Variants in FSCN2 observed in about 807,000 individuals in gnomAD.
The protein encoded by FSCN2 is fascin-2.
Under a neutral mutation model 37.8 loss-of-function variants are expected in FSCN2, and 46 were observed. The observed-to-expected ratio is 1.22, with a 90% CI of 0.96 to 1.56. The LOEUF is 1.56. Ranked by LOEUF, FSCN2 falls within the 40% of genes most tolerant of loss-of-function variation. FSCN2 has a pLI of 0.00. For synonymous variants in FSCN2, 351 were observed against 309.4 expected, an observed-to-expected ratio of 1.13 and a Z score of -1.41; for missense variants, 844 against 730.4, an observed-to-expected ratio of 1.16 and a Z score of -1.79.
At chr17:81,536,436 A>G (rs1389490961) in intron 3 of FSCN2, 169 bp downstream of exon 3, 3 of 1,466,362 alleles carry the variant, frequency 2.0e-6, no homozygotes, top group Non-Finnish European at 2.7e-6. Flanking sequence ...GGCAAGGGAA[A>G]CAGGTCTGAA....
the FSCN2 span, among the ~76,000 whole-genome samples, chr17:81,521,363 C>CTT: frequency 0.015 from 2,061 of 134,612 alleles, 54 homozygotes; most frequent in African/African-American, 0.053. Flanking sequence ...CCAAGCCCAG[C>CTT]TTTTTTTTTT....
the FSCN2 span, among the ~76,000 whole-genome samples, chr17:81,518,018 G>C: frequency 3.5e-3 from 530 of 152,226 alleles, 7 homozygotes; most frequent in African/African-American, 0.012. Flanking sequence ...CCAGGGCCTC[G>C]GCTTCCGCAA....
upstream of FSCN2, among the ~76,000 whole-genome samples, chr17:81,524,434 C>T (rs1555669816): frequency 6.6e-6 from 1 of 152,212 alleles, no homozygotes; most frequent in African/African-American, 2.4e-5. Flanking sequence ...GCCTCAGGCA[C>T]ACACTGGGCA....
chr17:81,527,204 C>G (rs538249413), upstream of FSCN2: 1 of 152,560 alleles, frequency 6.6e-6, no homozygotes, highest in East Asian at 1.9e-4. Flanking sequence ...TCCTGCCCTA[C>G]GGGGACCCCC....
In FSCN2 at chr17:81,528,632, A is replaced by G. The variant is rs782673170; in HGVS notation, c.101A>G (p.Asn34Ser). 3.7e-6 allele frequency: 6 copies of G among 1,605,268 alleles called. No individual in the cohort carries two copies. Among genetic ancestry groups the G allele is most frequent in the East Asian group, 2.2e-5 (1 of 44,478 alleles). Residue 34 changes from asparagine to serine, a missense_variant, in exon 1 of 5, where the codon AAT becomes AGT. Transcript: ENST00000417245. The part of the protein sequence containing the change: ...LTAESFGFKV[N>S]ASAPSLKRKQ... ...GCTGAGAGCTTCGGCTTCAAGGTCA[A>G]TGCCTCGGCACCCAGCCTCAAGAGG...
rs774012357 is a variant in FSCN2 at position 81,536,224 on chromosome 17, C to T, written c.1062C>T (p.Cys354=). 29 of 1,601,548 alleles carry T rather than the reference C, an allele frequency of 1.8e-5. No homozygotes were observed. Among genetic ancestry groups the T allele is most frequent in the Non-Finnish European group, 2.5e-5 (29 of 1,174,738 alleles). The change falls in exon 3 of 5, where the codon TGC becomes TGT. Residue 354 remains cysteine (C), a synonymous_variant. Coordinates refer to ENST00000417245, the MANE Select transcript of FSCN2 (RefSeq NM_012418.4). Reference sequence around the variant, plus strand: ...AAGCCAGCAACGGGCGCTACGTGTGCATGAAGAAGAATGGGCAGCTGGCGG... The same window carrying T: ...AAGCCAGCAACGGGCGCTACGTGTGTATGAAGAAGAATGGGCAGCTGGCGG... ...ALKASNGRYV[C]MKKNGQLAAI... is the part of the protein sequence containing the mutation.
the FSCN2 span, among the ~76,000 whole-genome samples, chr17:81,518,449 TAGAG>T: frequency 6.6e-6 from 1 of 151,612 alleles, no homozygotes; most frequent in Non-Finnish European, 1.5e-5. Context: ...AGGGGTGGAA[TAGAG>T]AGGGAGGAGT....
intron 1 of FSCN2, among the ~76,000 whole-genome samples, chr17:81,532,179 A>ATGG (rs1354370592): frequency 8.5e-6 from 1 of 118,242 alleles, no homozygotes; most frequent in Non-Finnish European, 1.8e-5. Context: ...GGTGGTGGTG[A>ATGG]TGGTGGTGGT....
At chr17:81,529,459 C>T (rs2032477877) in intron 1 of FSCN2, 102 bp downstream of exon 1, 6 of 937,232 alleles carry the variant, frequency 6.4e-6, no homozygotes, top group Admixed American at 2.0e-5. Flanking sequence ...CGTGTCTGTG[C>T]GTTCACATGT....
intron 1 of FSCN2, among the ~76,000 whole-genome samples, chr17:81,533,414 C>T (rs74200063): frequency 0.19 from 28,467 of 152,158 alleles, 3,149 homozygotes; most frequent in Non-Finnish European, 0.25. Context: ...CACTATCACC[C>T]GCTCAGCAGC....
At chr17:81,525,598 G>A (rs139919235), upstream of FSCN2, among the ~76,000 whole-genome samples, 451 of 151,684 alleles carry the variant, frequency 3.0e-3, 2 homozygotes, top group African/African-American at 0.01. Context: ...GGTGGCAGGC[G>A]CCTGTAATCC....
At chr17:81,529,468 G>A (rs1191304983) in intron 1 of FSCN2, 111 bp downstream of exon 1, 11 of 920,816 alleles carry the variant, frequency 1.2e-5, no homozygotes, top group Non-Finnish European at 1.7e-5. Context: ...GCGTTCACAT[G>A]TCTGTTCTGG....
chr17:81,535,477 CCACCACCAG>C, intron 2 of FSCN2, among the ~76,000 whole-genome samples: 1 of 99,528 alleles, frequency 1.0e-5, no homozygotes, highest in Non-Finnish European at 1.9e-5. Flanking sequence ...ACCACCCCCA[CCACCACCAG>C]CCCCATCCCC....
upstream of FSCN2, among the ~76,000 whole-genome samples, chr17:81,525,057 C>T (rs1371384756): frequency 6.6e-6 from 1 of 152,172 alleles, no homozygotes; most frequent in African/African-American, 2.4e-5. Context: ...GAGTTCGGGG[C>T]TGCCACTGGC....
the FSCN2 span, among the ~76,000 whole-genome samples, chr17:81,515,790 CCCCTAG>C: frequency 6.6e-6 from 1 of 152,274 alleles, no homozygotes; most frequent in African/African-American, 2.4e-5. Flanking sequence ...TGGGTCCCCA[CCCCTAG>C]CCTTTGCCTC....
chr17:81,519,994 C>G, the FSCN2 span, among the ~76,000 whole-genome samples: 1 of 152,178 alleles, frequency 6.6e-6, no homozygotes, highest in Non-Finnish European at 1.5e-5. Context: ...AAAGGTGGCT[C>G]CAGGGCTGGA....
At chr17:81,519,289 G>A in the FSCN2 span, among the ~76,000 whole-genome samples, 1 of 152,118 alleles carries the variant, frequency 6.6e-6, no homozygotes, top group East Asian at 1.9e-4. Context: ...CACGCAGGGC[G>A]CGGGCCTGGG....
upstream of FSCN2, among the ~76,000 whole-genome samples, chr17:81,525,908 G>T (rs1555670043): frequency 6.6e-6 from 1 of 152,060 alleles, no homozygotes. Flanking sequence ...CCTGTAAACG[G>T]CCTCCCTCCA....
upstream of FSCN2, chr17:81,527,024 A>AGAG (rs1465071670): frequency 6.6e-6 from 1 of 152,142 alleles, no homozygotes; most frequent in African/African-American, 2.4e-5. Flanking sequence ...CAGTGGGGAC[A>AGAG]GGTCTCCTCT....
Sources: gnomAD v4.1 joint callset for allele counts (sites outside exome capture counted in the v4.1 genomes callset) on GRCh38, gnomAD v4.1.1 for gene constraint, MANE v1.5 for transcripts, NCBI Gene and HGNC (gene_info 2026-07-23, HGNC 2026-07-21) for gene names.